Variants in PARVA observed in about 807,000 individuals in gnomAD.
PARVA encodes the protein parvin alpha.
Under a neutral mutation model 52.6 loss-of-function variants are expected in PARVA, and 25 were observed. That is an observed-to-expected ratio of 0.48 (90% CI 0.35 to 0.66). The LOEUF (loss-of-function observed/expected upper bound fraction) is 0.66, where lower values mean the gene tolerates loss of function less well. Ranked by LOEUF, PARVA falls within the 30% of genes least tolerant of loss-of-function variation. PARVA has a pLI of 0.01. For missense variants in PARVA, 373 were observed against 450.9 expected, an observed-to-expected ratio of 0.83 and a Z score of 1.56; for synonymous variants, 185 against 179.1, an observed-to-expected ratio of 1.03 and a Z score of -0.26.
At chr11:12,515,423 G>A (rs1294120492) in intron 10 of PARVA, among the ~76,000 whole-genome samples, 4 of 152,172 alleles carry the variant, frequency 2.6e-5, no homozygotes, top group East Asian at 3.8e-4. Flanking sequence ...GAAAAGTGAC[G>A]CTTCCTTGAG....
intron 1 of PARVA, among the ~76,000 whole-genome samples, chr11:12,395,663 C>T (rs1384024867): frequency 6.6e-6 from 1 of 152,194 alleles, no homozygotes; most frequent in African/African-American, 2.4e-5. Flanking sequence ...CCATCAAAGA[C>T]TCGGCCTCTT....
At chr11:12,403,201 C>T (rs1939854071) in intron 1 of PARVA, among the ~76,000 whole-genome samples, 1 of 152,208 alleles carries the variant, frequency 6.6e-6, no homozygotes, top group Non-Finnish European at 1.5e-5. Flanking sequence ...TGTATTTAAC[C>T]CACTCCTGTC....
intron 1 of PARVA, among the ~76,000 whole-genome samples, chr11:12,421,994 C>T (rs189566298): frequency 2.6e-5 from 4 of 152,338 alleles, no homozygotes; most frequent in African/African-American, 9.6e-5. Flanking sequence ...AACTTGACTT[C>T]TCCCCACATT....
chr11:12,449,034 A>G (rs1308538015), intron 1 of PARVA, among the ~76,000 whole-genome samples: 2 of 152,206 alleles, frequency 1.3e-5, no homozygotes. Flanking sequence ...AATATTCACT[A>G]TATTATAGTT....
chr11:12,427,351 G>A (rs2134990437), intron 1 of PARVA, among the ~76,000 whole-genome samples: 1 of 152,282 alleles, frequency 6.6e-6, no homozygotes, highest in South Asian at 2.1e-4. Context: ...CCTTTCACTT[G>A]CTCCCCTCTC....
intron 1 of PARVA, among the ~76,000 whole-genome samples, chr11:12,469,241 C>A (rs1276744045): frequency 6.6e-6 from 1 of 152,156 alleles, no homozygotes; most frequent in Non-Finnish European, 1.5e-5. Flanking sequence ...GTACTTTCTT[C>A]TGCTCATGTG....
intron 1 of PARVA, among the ~76,000 whole-genome samples, chr11:12,458,339 T>C (rs1215369712): frequency 6.6e-6 from 1 of 152,240 alleles, no homozygotes. Context: ...CCAGCCAGCA[T>C]GGCCTGCATT....
In PARVA at chr11:12,529,654, T is replaced by C. The variant is rs989873998; in HGVS notation, c.*1729T>C. On this transcript the variant is annotated 3_prime_UTR_variant, in exon 13 of 13. Transcript: ENST00000334956. ...CCACCCAAAGTTAGGCCTCCTATAA[T>C]GTCCAAAACATTCCTTTCAGCCTTT... 6.6e-6 allele frequency: 1 copy of C among 152,248 alleles called. No homozygotes were observed. Among genetic ancestry groups the C allele is most frequent in the African/African-American group, 2.4e-5 (1 of 41,470 alleles). The allele number at this position is 152,248 out of a possible 1,614,324, so 9.4% of individuals were successfully genotyped here.
chr11:12,408,749 C>T (rs1421839349), intron 1 of PARVA, among the ~76,000 whole-genome samples: 1 of 152,116 alleles, frequency 6.6e-6, no homozygotes, highest in Non-Finnish European at 1.5e-5. Context: ...AGGTTTCTGA[C>T]CCCATGGACC....
chr11:12,416,246 C>T (rs1343167025), intron 1 of PARVA, among the ~76,000 whole-genome samples: 3 of 152,290 alleles, frequency 2.0e-5, no homozygotes, highest in South Asian at 2.1e-4. Flanking sequence ...ATTATTAATT[C>T]GAGGCAACGT....
intron 4 of PARVA, among the ~76,000 whole-genome samples, chr11:12,483,053 T>C (rs1279178440): frequency 6.6e-6 from 1 of 152,180 alleles, no homozygotes; most frequent in African/African-American, 2.4e-5. Flanking sequence ...TGGGGAGCAA[T>C]AGCATGCCTG....
chr11:12,416,092 T>C (rs572965397), intron 1 of PARVA, among the ~76,000 whole-genome samples: 2 of 152,260 alleles, frequency 1.3e-5, no homozygotes, highest in African/African-American at 4.8e-5. Context: ...GAAAGTGGAA[T>C]GATTGAGGGG....
At chr11:12,405,006 G>A (rs1048237426) in intron 1 of PARVA, among the ~76,000 whole-genome samples, 9 of 152,312 alleles carry the variant, frequency 5.9e-5, no homozygotes, top group Admixed American at 1.3e-4. Context: ...GTCAGCTACC[G>A]TCTGGGTATC....
chr11:12,497,254 A>G (rs976060405), intron 5 of PARVA, among the ~76,000 whole-genome samples: 4 of 152,164 alleles, frequency 2.6e-5, no homozygotes, highest in African/African-American at 7.2e-5. Flanking sequence ...AGAATTAATC[A>G]AGGGATTAGG....
At chr11:12,491,368 A>T (rs1486745158) in intron 4 of PARVA, among the ~76,000 whole-genome samples, 1 of 152,078 alleles carries the variant, frequency 6.6e-6, no homozygotes, top group Non-Finnish European at 1.5e-5. Context: ...GGGTCTCGCT[A>T]TGTTGCCCAG....
chr11:12,438,018 T>C (rs1564846787), intron 1 of PARVA, among the ~76,000 whole-genome samples: 3 of 152,128 alleles, frequency 2.0e-5, no homozygotes, highest in Non-Finnish European at 4.4e-5. Flanking sequence ...CCCAGCACTT[T>C]GGGAGGCCGA....
In PARVA at chr11:12,533,895, A is replaced by G. The variant is rs1018355035; in HGVS notation, c.*5970A>G. On this transcript the variant is annotated 3_prime_UTR_variant, in exon 13 of 13. Transcript: ENST00000334956. ...CAGAAAAAAAATCCATGGGCCGAGC[A>G]CGGTGGCTCACACCTGTAATCCCAG... 3.9e-5 allele frequency among the ~76,000 whole-genome samples: 6 copies of G among 152,022 alleles called. No homozygotes were observed. Among genetic ancestry groups the G allele is most frequent in the African/African-American group, 1.2e-4 (5 of 41,384 alleles).
In PARVA at chr11:12,425,345, G is replaced by C. The variant is rs78775604; in HGVS notation, c.136+47562G>C. 3.8e-3 allele frequency among the ~76,000 whole-genome samples: 582 copies of C among 152,314 alleles called. 5 individuals are homozygous for C. The highest frequency in any genetic ancestry group is 0.013 in the African/African-American group (560 of 41,572). ...AGTTTTGGCCATCAGAAAGAAATGA[G>C]AATGGTCATATCACCTCTTCATTGG... On this transcript the variant is annotated intron_variant, in intron 1 of 12. Transcript: ENST00000334956.
intron 1 of PARVA, among the ~76,000 whole-genome samples, chr11:12,433,136 A>G (rs1940338395): frequency 6.6e-6 from 1 of 152,228 alleles, no homozygotes; most frequent in African/African-American, 2.4e-5. Flanking sequence ...GCAGGTGGAA[A>G]GGCTGCACCT....
Sources: gnomAD v4.1 joint callset for allele counts (sites outside exome capture counted in the v4.1 genomes callset) on GRCh38, gnomAD v4.1.1 for gene constraint, MANE v1.5 for transcripts, NCBI Gene and HGNC (gene_info 2026-07-23, HGNC 2026-07-21) for gene names.